The following ASH1L variants were observed in gnomAD, a reference collection of about 807,000 sequenced individuals.
The protein encoded by ASH1L is histone-lysine N-methyltransferase ASH1L.
In ASH1L, 23 loss-of-function variants were observed where a neutral mutation model predicts 269.0. That is an observed-to-expected ratio of 0.09 (90% confidence interval 0.06 to 0.12). The LOEUF (loss-of-function observed/expected upper bound fraction) is 0.12, where lower values mean the gene tolerates loss of function less well. Ranked by LOEUF, ASH1L falls within the 10% of genes least tolerant of loss-of-function variation. The pLI is 1.00. For synonymous variants in ASH1L, 1,187 were observed against 1,253.5 expected (o/e 0.95, Z 1.12); for missense variants, 2,912 against 3,567.8 (o/e 0.82, Z 4.68).
At chr1:155,381,321 G>A (rs996929392) in intron 7 of ASH1L, among the ~76,000 whole-genome samples, 2 of 152,068 alleles carry the variant, frequency 1.3e-5, no homozygotes, top group African/African-American at 2.4e-5. Context: ...TTGGGAGGCC[G>A]AGGCAGGTAG....
chr1:155,417,482 G>A (rs77656804), intron 5 of ASH1L, among the ~76,000 whole-genome samples: 7,153 of 152,134 alleles, frequency 0.047, 581 homozygotes, highest in African/African-American at 0.17. Flanking sequence ...ATTCCATATG[G>A]CTGAACAAGG....
At chr1:155,457,642 A>G (rs1663959521) in intron 4 of ASH1L, among the ~76,000 whole-genome samples, 1 of 152,194 alleles carries the variant, frequency 6.6e-6, no homozygotes, top group Non-Finnish European at 1.5e-5. Context: ...ACAGAATTTA[A>G]TACATTGCTT....
chr1:155,391,767 C>T (rs1657947647), intron 7 of ASH1L, among the ~76,000 whole-genome samples: 1 of 151,970 alleles, frequency 6.6e-6, no homozygotes, highest in South Asian at 2.1e-4. Context: ...CTAGCCTGAG[C>T]AACATGGTGA....
At chr1:155,548,151 C>T (rs1670956051) in intron 1 of ASH1L, among the ~76,000 whole-genome samples, 1 of 152,012 alleles carries the variant, frequency 6.6e-6, no homozygotes, top group Non-Finnish European at 1.5e-5. Context: ...GAACAACATA[C>T]TGGGGCCAGT....
intron 3 of ASH1L, among the ~76,000 whole-genome samples, chr1:155,471,504 T>C (rs1314029190): frequency 6.6e-6 from 1 of 152,222 alleles, no homozygotes; most frequent in East Asian, 1.9e-4. Flanking sequence ...ATAAAAACTC[T>C]GGACACTGAG....
chr1:155,386,278 C>T (rs761702302), intron 7 of ASH1L, among the ~76,000 whole-genome samples: 17 of 151,988 alleles, frequency 1.1e-4, no homozygotes, highest in Non-Finnish European at 2.5e-4. Context: ...CCATGTTGGC[C>T]AATGGTCTCA....
At chr1:155,446,930 G>A (rs1211035774) in intron 4 of ASH1L, among the ~76,000 whole-genome samples, 2 of 152,214 alleles carry the variant, frequency 1.3e-5, no homozygotes, top group Non-Finnish European at 2.9e-5. Flanking sequence ...ATTGTTCACT[G>A]TATGTAGAAA....
In ASH1L at chr1:155,496,010, T is replaced by A. The variant is rs538712781; in HGVS notation, c.421-13561A>T. On this transcript the variant is annotated intron_variant, in intron 2 of 27. Coordinates refer to ENST00000392403, the MANE Select transcript of ASH1L (RefSeq NM_018489.3). ...CAAGACTGTCTCAATTAAAAAAAAA[T>A]AAATAAATAAAACAAAACAAATTAA... Among the ~76,000 whole-genome samples the A allele has an allele frequency of 9.9e-4, 151 of 152,104 alleles. 1 individual carries two copies. In the Middle Eastern group the frequency reaches 0.017, roughly 17 times the overall value.
At chr1:155,554,071 C>A (rs1477347409) in intron 1 of ASH1L, among the ~76,000 whole-genome samples, 1 of 150,356 alleles carries the variant, frequency 6.7e-6, no homozygotes, top group Non-Finnish European at 1.5e-5. Flanking sequence ...TAAGCCACTG[C>A]GCCCGGCCCG....
chr1:155,498,486 G>A (rs1667300321), intron 2 of ASH1L, among the ~76,000 whole-genome samples: 1 of 152,102 alleles, frequency 6.6e-6, no homozygotes, highest in Non-Finnish European at 1.5e-5. Context: ...TTGTTGCCCA[G>A]GCTGGAGTGC....
chr1:155,521,563 A>G lies in ASH1L; in HGVS notation c.-44T>C, dbSNP rs373584177. The G allele has an allele frequency of 7.9e-5, 122 of 1,539,084 alleles. No homozygotes were observed. Among genetic ancestry groups the G allele is most frequent in the Non-Finnish European group, 1.0e-4 (119 of 1,140,642 alleles). ...CCAAGGAATCTTATGAAAATTTTAC[A>G]GAACTGTGTTCCATAAAAAACAAGG... On this transcript the variant is annotated 5_prime_UTR_variant, in exon 2 of 28. Transcript: ENST00000392403.
chr1:155,362,400 T>TAA (rs1001556035), intron 12 of ASH1L, among the ~76,000 whole-genome samples: 15 of 142,050 alleles, frequency 1.1e-4, no homozygotes, highest in African/African-American at 3.9e-4. Flanking sequence ...CTTAATATAT[T>TAA]AAAAAAAAAA....
intron 3 of ASH1L, among the ~76,000 whole-genome samples, chr1:155,475,918 A>G (rs1665501650): frequency 6.6e-6 from 1 of 151,854 alleles, no homozygotes; most frequent in Non-Finnish European, 1.5e-5. Flanking sequence ...TTTATTATCT[A>G]CCTCCTCTAC....
At chr1:155,477,661 CTTTCTTTT>C (rs1391991669) in intron 3 of ASH1L, among the ~76,000 whole-genome samples, 1 of 151,890 alleles carries the variant, frequency 6.6e-6, no homozygotes, top group African/African-American at 2.4e-5. Flanking sequence ...ATGTATATTT[CTTTCTTTT>C]TTTCTTTTTG....
chr1:155,450,309 G>A (rs746718445), intron 4 of ASH1L, among the ~76,000 whole-genome samples: 1 of 152,078 alleles, frequency 6.6e-6, no homozygotes, highest in Non-Finnish European at 1.5e-5. Context: ...CGTGGGATTC[G>A]TAGAGTTTCA....
intron 2 of ASH1L, among the ~76,000 whole-genome samples, chr1:155,515,764 G>A (rs374958183): frequency 1.5e-4 from 22 of 150,252 alleles, no homozygotes; most frequent in African/African-American, 5.4e-4. Flanking sequence ...GGAGGCGGAG[G>A]CTGCAGTGAG....
intron 1 of ASH1L, among the ~76,000 whole-genome samples, chr1:155,524,648 C>A (rs1669115300): frequency 1.3e-5 from 2 of 151,436 alleles, no homozygotes; most frequent in Admixed American, 1.3e-4. Flanking sequence ...GTATGGACAA[C>A]ACAGTGAGAC....
chr1:155,519,104 T>C (rs778081671), intron 2 of ASH1L, among the ~76,000 whole-genome samples: 1 of 152,152 alleles, frequency 6.6e-6, no homozygotes, highest in Non-Finnish European at 1.5e-5. Context: ...AAATAGTGGA[T>C]GTGAACCAAG....
At chr1:155,533,144 A>G (rs1017915974) in intron 1 of ASH1L, among the ~76,000 whole-genome samples, 2 of 152,038 alleles carry the variant, frequency 1.3e-5, no homozygotes, top group African/African-American at 4.8e-5. Flanking sequence ...GCAAAACAAT[A>G]TAAAATCAAC....
Sources: gnomAD v4.1 joint callset for allele counts (sites outside exome capture counted in the v4.1 genomes callset) on GRCh38, gnomAD v4.1.1 for gene constraint, MANE v1.5 for transcripts, NCBI Gene and HGNC (gene_info 2026-07-23, HGNC 2026-07-21) for gene names.